Variants in CNTNAP2 observed in about 807,000 individuals in gnomAD.
The protein encoded by CNTNAP2 is contactin associated protein 2.
In CNTNAP2, 98 loss-of-function variants were observed where a neutral mutation model predicts 155.2. The observed-to-expected ratio is 0.63, with a 90% CI of 0.54 to 0.75. The LOEUF (loss-of-function observed/expected upper bound fraction) is 0.75, where lower values mean the gene tolerates loss of function less well. Ranked by LOEUF, CNTNAP2 falls within the 30% of genes least tolerant of loss-of-function variation. CNTNAP2 has a pLI of 0.00. For missense variants in CNTNAP2, 1,727 were observed against 1,688.1 expected, an observed-to-expected ratio of 1.02 and a Z score of -0.40; for synonymous variants, 651 against 631.2, an observed-to-expected ratio of 1.03 and a Z score of -0.47.
chr7:146,275,099 G>A (rs6950099), intron 1 of CNTNAP2, among the ~76,000 whole-genome samples: 2,945 of 152,088 alleles, frequency 0.019, 117 homozygotes, highest in African/African-American at 0.067. Flanking sequence ...AAGATAATAC[G>A]CACTATGCAT....
At chr7:148,041,800 G>A (rs568696585) in intron 15 of CNTNAP2, among the ~76,000 whole-genome samples, 122 of 152,154 alleles carry the variant, frequency 8.0e-4, no homozygotes, top group Non-Finnish European at 1.4e-3. Flanking sequence ...ACCCACTTTC[G>A]ACCTGGCATT....
At chr7:147,691,213 C>A (rs1021015914) in intron 13 of CNTNAP2, among the ~76,000 whole-genome samples, 3 of 152,036 alleles carry the variant, frequency 2.0e-5, no homozygotes, top group Non-Finnish European at 4.4e-5. Flanking sequence ...AAGATTTTCT[C>A]AATTTTTTGT....
At chr7:146,621,674 G>A (rs925301459) in intron 1 of CNTNAP2, among the ~76,000 whole-genome samples, 1 of 152,108 alleles carries the variant, frequency 6.6e-6, no homozygotes, top group Admixed American at 6.5e-5. Flanking sequence ...ATACACACTA[G>A]CAACACGACT....
intron 11 of CNTNAP2, among the ~76,000 whole-genome samples, chr7:147,489,772 T>C (rs1323351321): frequency 2.6e-5 from 4 of 152,100 alleles, no homozygotes; most frequent in African/African-American, 9.7e-5. Flanking sequence ...CGTGCCACCA[T>C]GCCCAGCTAA....
At chr7:146,575,743 C>T (rs1178881017) in intron 1 of CNTNAP2, among the ~76,000 whole-genome samples, 12 of 152,062 alleles carry the variant, frequency 7.9e-5, no homozygotes, top group Non-Finnish European at 1.3e-4. Context: ...GTCTCTAAGG[C>T]GATAAAATCT....
At chr7:148,372,836 CACAA>C (rs1242480421) in intron 21 of CNTNAP2, among the ~76,000 whole-genome samples, 2 of 152,160 alleles carry the variant, frequency 1.3e-5, no homozygotes, top group African/African-American at 4.8e-5. Flanking sequence ...TAGATTAAAA[CACAA>C]ACACATTATA....
chr7:148,335,397 G>C (rs186864476), intron 21 of CNTNAP2, among the ~76,000 whole-genome samples: 1 of 152,272 alleles, frequency 6.6e-6, no homozygotes, highest in Non-Finnish European at 1.5e-5. Flanking sequence ...TGCTGTTGCT[G>C]AGTGCTGCCA....
chr7:146,408,243 G>A (rs1795820140), intron 1 of CNTNAP2, among the ~76,000 whole-genome samples: 1 of 152,056 alleles, frequency 6.6e-6, no homozygotes, highest in Non-Finnish European at 1.5e-5. Context: ...GCAATTCATT[G>A]CACTTTATAG....
intron 1 of CNTNAP2, among the ~76,000 whole-genome samples, chr7:146,478,821 GGA>G (rs1554438901): frequency 1.3e-5 from 2 of 152,042 alleles, no homozygotes; most frequent in Non-Finnish European, 2.9e-5. Context: ...AAGTAATTTA[GGA>G]GAGTTTTCTA....
chr7:147,536,460 T>G (rs1280117028), intron 11 of CNTNAP2, among the ~76,000 whole-genome samples: 1 of 152,168 alleles, frequency 6.6e-6, no homozygotes, highest in African/African-American at 2.4e-5. Context: ...GCTCACTCCC[T>G]TCCAACAGTT....
intron 3 of CNTNAP2, among the ~76,000 whole-genome samples, chr7:147,008,596 A>G (rs1205888757): frequency 6.6e-5 from 10 of 152,172 alleles, no homozygotes; most frequent in Non-Finnish European, 1.2e-4. Context: ...CATTGTGCAT[A>G]CACACGTAAG....
intron 3 of CNTNAP2, among the ~76,000 whole-genome samples, chr7:146,903,279 T>C (rs998182212): frequency 2.6e-5 from 4 of 152,278 alleles, no homozygotes; most frequent in East Asian, 1.9e-4. Flanking sequence ...TTATGAGATA[T>C]ACCCATTTTC....
chr7:147,180,069 G>C (rs373922239), intron 8 of CNTNAP2, among the ~76,000 whole-genome samples: 1 of 152,128 alleles, frequency 6.6e-6, no homozygotes, highest in Non-Finnish European at 1.5e-5. Flanking sequence ...CCAGGAACAG[G>C]CCTGGAGTAG....
At chr7:147,138,254 G>A (rs1801528474) in intron 8 of CNTNAP2, among the ~76,000 whole-genome samples, 1 of 151,932 alleles carries the variant, frequency 6.6e-6, no homozygotes, top group South Asian at 2.1e-4. Context: ...CTTTAATTAG[G>A]AGCCTAGAAC....
At position 147,438,967 on chromosome 7, in the gene CNTNAP2, T is replaced by C. The variant is rs995968902; in HGVS notation, c.1670+43187T>C. Among the ~76,000 whole-genome samples the C allele has an allele frequency of 2.6e-4, 40 of 152,052 alleles. 1 individual carries two copies. The highest frequency in any genetic ancestry group is 9.4e-4 in the African/African-American group (39 of 41,440). Reference sequence around the variant, plus strand: ...CTTTTTCATCCTGATTTTATTTATTTGCATCTTCTCTCTTTTTCTGTAGTC... The same window carrying C: ...CTTTTTCATCCTGATTTTATTTATTCGCATCTTCTCTCTTTTTCTGTAGTC... On this transcript the variant is annotated intron_variant, in intron 10 of 23. Coordinates refer to ENST00000361727, the MANE Select transcript of CNTNAP2 (RefSeq NM_014141.6).
chr7:148,180,192 C>T (rs930867487), intron 18 of CNTNAP2, among the ~76,000 whole-genome samples: 6 of 152,212 alleles, frequency 3.9e-5, no homozygotes, highest in African/African-American at 1.4e-4. Flanking sequence ...GCTTGGAAGA[C>T]ACTTTCACAT....
At chr7:147,822,510 T>C (rs1798377623) in intron 13 of CNTNAP2, among the ~76,000 whole-genome samples, 1 of 152,184 alleles carries the variant, frequency 6.6e-6, no homozygotes, top group Non-Finnish European at 1.5e-5. Flanking sequence ...TTAATCTGAC[T>C]TCTAGATATA....
At chr7:147,314,322 G>A (rs1398584670) in intron 9 of CNTNAP2, among the ~76,000 whole-genome samples, 1 of 152,084 alleles carries the variant, frequency 6.6e-6, no homozygotes, top group East Asian at 1.9e-4. Flanking sequence ...TCAAAAGTTA[G>A]CCTTAAACTT....
intron 3 of CNTNAP2, among the ~76,000 whole-genome samples, chr7:146,900,006 A>C (rs1233185489): frequency 6.6e-6 from 1 of 152,196 alleles, no homozygotes; most frequent in Non-Finnish European, 1.5e-5. Flanking sequence ...GTTTACCCTC[A>C]ACGAGCTGGA....
Sources: allele counts gnomAD v4.1 joint callset (sites outside exome capture counted in the v4.1 genomes callset), GRCh38; gene constraint gnomAD v4.1.1; transcripts MANE v1.5; gene names NCBI Gene and HGNC (gene_info 2026-07-23, HGNC 2026-07-21).